The following MUSTN1 variants were observed in gnomAD, a reference collection of about 807,000 sequenced individuals.
MUSTN1 encodes musculoskeletal embryonic nuclear protein 1.
Under a neutral mutation model 11.8 loss-of-function variants are expected in MUSTN1, and 14 were observed. The ratio of observed to expected loss-of-function variants is 1.18; its 90% CI spans 0.78 to 1.85. The LOEUF (loss-of-function observed/expected upper bound fraction) is 1.85. MUSTN1 is among the 40% of genes most tolerant of loss of function. The pLI, the probability that MUSTN1 is intolerant of heterozygous loss-of-function variation, is 0.00. For missense variants in MUSTN1, 111 were observed against 108.8 expected, an observed-to-expected ratio of 1.02 and a Z score of -0.09; for synonymous variants, 42 against 43.3, an observed-to-expected ratio of 0.97 and a Z score of 0.12.
chr3:52,834,061 C>T (rs529092704), intron 1 of MUSTN1, among the ~76,000 whole-genome samples: 6 of 152,222 alleles, frequency 3.9e-5, no homozygotes, highest in African/African-American at 9.6e-5. Context: ...TGGGGAACAG[C>T]GAAGGGGACT....
intron 1 of MUSTN1, 166 bp downstream of exon 1, chr3:52,834,774 G>A (rs1467786710): frequency 1.0e-5 from 8 of 798,696 alleles, no homozygotes; most frequent in Admixed American, 2.1e-5. Context: ...ACATAGAAGA[G>A]GGGTTCTTCA....
In MUSTN1 at chr3:52,833,490, G is replaced by C. The variant is rs979771066; in HGVS notation, c.143-60C>G. ...CTTCCTGGGAGGGAAGATCCCTTACGATGGGAGCACCTTTCTTGAACCCAG... is the reference window on the plus strand; with the variant it reads ...CTTCCTGGGAGGGAAGATCCCTTACCATGGGAGCACCTTTCTTGAACCCAG... On this transcript the variant is annotated intron_variant, in intron 2 of 2. Coordinates refer to ENST00000446157, the MANE Select transcript of MUSTN1 (RefSeq NM_205853.4). 3.8e-6 allele frequency: 6 copies of C among 1,593,420 alleles called. No homozygotes were observed. In the Admixed American group the frequency reaches 5.2e-5, roughly 14 times the overall value.
chr3:52,834,767 T>G (rs935648613), intron 1 of MUSTN1, 173 bp downstream of exon 1: 4 of 779,366 alleles, frequency 5.1e-6, no homozygotes. Flanking sequence ...CAAAGCCACA[T>G]AGAAGAGGGG....
Position 52,833,347 on chromosome 3 carries a change from G to A in MUSTN1, c.226C>T (p.Pro76Ser), listed in dbSNP as rs756614408. 2.5e-6 allele frequency: 4 copies of A among 1,613,950 alleles called. No individual in the cohort carries two copies. Among genetic ancestry groups the A allele is most frequent in the Non-Finnish European group, 2.5e-6 (3 of 1,179,870 alleles). The change falls in exon 3 of 3, where the codon CCC becomes TCC. Residue 76 changes from proline to serine, a missense_variant. Pro to Ser is a moderately conservative substitution (Grantham distance 74). Transcript: ENST00000446157. ...TCTCAGCCGAAGACACTCTTGGTGG[G>A]TCCGGCTTTGGGCTTCTCAAAGACA... The part of the protein sequence containing the change: ...ETVFEKPKAG[P>S]TKSVFG
chr3:52,834,653 C>CACACACA (rs202115061), intron 1 of MUSTN1: 1 of 433,504 alleles, frequency 2.3e-6, no homozygotes, highest in Non-Finnish European at 3.8e-6. Context: ...CACACAGATG[C>CACACACA]GCACACACAC....
intron 1 of MUSTN1, among the ~76,000 whole-genome samples, chr3:52,834,396 G>A (rs776995948): frequency 1.9e-4 from 29 of 152,222 alleles, no homozygotes; most frequent in African/African-American, 6.0e-4. Flanking sequence ...CTGTGCTTGG[G>A]TGCAGGTGCA....
chr3:52,833,184 G>T lies in MUSTN1; in HGVS notation c.*140C>A. 2 of 1,280,462 alleles carry T rather than the reference G, an allele frequency of 1.6e-6. No homozygotes were observed. Among genetic ancestry groups the T allele is most frequent in the Non-Finnish European group, 2.2e-6 (2 of 907,010 alleles). The allele number at this position is 1,280,462 out of a possible 1,614,324, so 79.3% of individuals were successfully genotyped here. A position where few individuals can be genotyped will look rare whatever the true frequency, so the allele number is the denominator to read the frequency against. On this transcript the variant is annotated 3_prime_UTR_variant, in exon 3 of 3. Coordinates refer to ENST00000446157, the MANE Select transcript of MUSTN1 (RefSeq NM_205853.4). ...CCAAGGTGCTGGTGCAGAGCCCTTG[G>T]CTGAAGGGCCTGGACTGTGGGGGAG...
Position 52,833,391 on chromosome 3 carries a change from G to A in MUSTN1, c.182C>T (p.Thr61Ile). The A allele has an allele frequency of 6.2e-7, 1 of 1,613,940 alleles. No homozygotes were observed. The highest frequency in any genetic ancestry group is 1.3e-5 in the African/African-American group (1 of 75,036). ...GSAAPSVFSRTRTGTETVFEK... is the reference protein window; with the variant it reads ...GSAAPSVFSRIRTGTETVFEK... ...AAAGACAGTCTCGGTACCTGTGCGGGTGCGGCTGAACACCGACGGGGCGGC... is the reference window on the plus strand; with the variant it reads ...AAAGACAGTCTCGGTACCTGTGCGGATGCGGCTGAACACCGACGGGGCGGC... The change falls in exon 3 of 3, where the codon ACC (threonine) becomes ATC (isoleucine). Residue 61 changes from threonine to isoleucine, a missense_variant. Transcript: ENST00000446157.
intron 1 of MUSTN1, 123 bp downstream of exon 1, chr3:52,834,817 G>T: frequency 8.2e-7 from 1 of 1,214,266 alleles, no homozygotes; most frequent in Non-Finnish European, 1.2e-6. Flanking sequence ...TCTCCCAAGG[G>T]CTGCAGAGCC....
At position 52,833,149 on chromosome 3, in the gene MUSTN1, A is replaced by G. The variant is rs1421667220; in HGVS notation, c.*175T>C. On this transcript the variant is annotated 3_prime_UTR_variant, in exon 3 of 3. Coordinates refer to ENST00000446157, the MANE Select transcript of MUSTN1 (RefSeq NM_205853.4). ...CTGGGGCCACGTGGGCATCCTCTTT[A>G]TTGGTGCTTCCAAGGTGCTGGTGCA... 1 of 951,264 alleles carries G rather than the reference A, an allele frequency of 1.1e-6. No individual in the cohort carries two copies. Among genetic ancestry groups the G allele is most frequent in the Non-Finnish European group, 1.6e-6 (1 of 610,446 alleles). 58.9% of individuals were successfully genotyped at this position (951,264 alleles called of 1,614,324 possible).
In MUSTN1 at chr3:52,833,628, A is replaced by G; in HGVS notation, c.131T>C (p.Met44Thr). Residue 44 changes from methionine (M) to threonine (T), a missense_variant, in exon 2 of 3, where the codon ATG becomes ACG. Coordinates refer to ENST00000446157, the MANE Select transcript of MUSTN1 (RefSeq NM_205853.4). ...QEIKSKTYQV[M>T]RECEQAGSAA... ...ATGAGGACACTCACCACACTCTCGC[A>G]TGACCTGGTAGGTCTTGGACTTGAT... 8 of 1,610,726 alleles carry G rather than the reference A, an allele frequency of 5.0e-6. No individual in the cohort carries two copies. The highest frequency in any genetic ancestry group is 2.2e-5 in the East Asian group (1 of 44,778).
At chr3:52,834,722 C>A in intron 1 of MUSTN1, 1 of 681,796 alleles carries the variant, frequency 1.5e-6, no homozygotes, top group Non-Finnish European at 2.6e-6. Context: ...CCCAACATTT[C>A]TCTCCACTCC....
chr3:52,834,250 C>T (rs1700652633), intron 1 of MUSTN1, among the ~76,000 whole-genome samples: 1 of 152,132 alleles, frequency 6.6e-6, no homozygotes, highest in Non-Finnish European at 1.5e-5. Flanking sequence ...TCCAAAATGG[C>T]CACCCACCCA....
At chr3:52,833,793 A>G (rs1324323181) in intron 1 of MUSTN1, 44 bp from the exon 2 acceptor site, 18 of 1,554,790 alleles carry the variant, frequency 1.2e-5, no homozygotes, top group South Asian at 2.4e-5. Context: ...AAGCCTCGGT[A>G]GAAAGGCACA....
intron 1 of MUSTN1, among the ~76,000 whole-genome samples, chr3:52,834,259 C>T (rs796185778): frequency 5.9e-5 from 9 of 152,290 alleles, no homozygotes; most frequent in African/African-American, 2.2e-4. Flanking sequence ...GCCACCCACC[C>T]ACAGAGCAGG....
chr3:52,833,535 A>G, intron 2 of MUSTN1, 82 bp downstream of exon 2: 1 of 1,584,272 alleles, frequency 6.3e-7, no homozygotes, highest in South Asian at 1.1e-5. Flanking sequence ...ATTCTCAGAA[A>G]AGGATCCTTG....
chr3:52,834,612 G>A, intron 1 of MUSTN1: 1 of 568,618 alleles, frequency 1.8e-6, no homozygotes, highest in African/African-American at 1.9e-5. Context: ...AATGCACAAA[G>A]CTCTACACAC....
Position 52,833,434 on chromosome 3 carries a change from T to A in MUSTN1, c.143-4A>T, listed in dbSNP as rs1342553103. 6.2e-7 allele frequency: 1 copy of A among 1,610,334 alleles called. No homozygotes were observed. The highest frequency in any genetic ancestry group is 1.7e-5 in the Admixed American group (1 of 59,868). ...GGGGCGGCCGAGCCAGCTTGCTCTG[T>A]GGGAGGAGGTAAAGTCAGGGGCCAG... On this transcript the variant is annotated splice_region_variant and splice_polypyrimidine_tract_variant and intron_variant, in intron 2 of 2. Coordinates refer to ENST00000446157, the MANE Select transcript of MUSTN1 (RefSeq NM_205853.4).
At position 52,834,789 on chromosome 3, in the gene MUSTN1, G is replaced by A. The variant is rs527697020; in HGVS notation, c.9+151C>T. 6.0e-5 allele frequency: 54 copies of A among 899,470 alleles called. 2 individuals are homozygous for A. The South Asian group carries it at 7.7e-4, about 13-fold the overall frequency. 55.7% of individuals were successfully genotyped at this position (899,470 alleles called of 1,614,324 possible). On this transcript the variant is annotated intron_variant, in intron 1 of 2. Transcript: ENST00000446157. ...ACATAGAAGAGGGGTTCTTCAGGGG[G>A]TCCTCCCTGAGCCCCCATCTCCCAA... is the stretch of plus-strand genomic sequence containing the variant.
Sources: gnomAD v4.1 joint callset for allele counts (sites outside exome capture counted in the v4.1 genomes callset) on GRCh38, gnomAD v4.1.1 for gene constraint, MANE v1.5 for transcripts, NCBI Gene and HGNC (gene_info 2026-07-23, HGNC 2026-07-21) for gene names.